MRC2: variants seen among roughly 807,000 people sequenced by gnomAD.
MRC2 encodes the protein C-type mannose receptor 2.
A neutral mutation model predicts 206.2 loss-of-function variants in MRC2; 84 were observed. The observed-to-expected ratio is 0.41, with a 90% CI of 0.34 to 0.49. The LOEUF is 0.49. MRC2 is among the 20% of genes least tolerant of loss of function. The pLI is 0.31. For missense variants in MRC2, 1,676 were observed against 2,001.5 expected, an observed-to-expected ratio of 0.84 and a Z score of 3.10; for synonymous variants, 798 against 800.0, an observed-to-expected ratio of 1.00 and a Z score of 0.04.
Position 62,692,262 on chromosome 17 carries a change from G to A in MRC2, c.4251G>A (p.Val1417=). 6.2e-7 allele frequency: 1 copy of A among 1,607,744 alleles called. No homozygotes were observed. Among genetic ancestry groups the A allele is most frequent in the South Asian group, 1.1e-5 (1 of 90,114 alleles). The change falls in exon 30 of 30, where the codon GTG becomes GTA. Residue 1417 remains valine (V), a synonymous_variant. Coordinates refer to ENST00000303375, the MANE Select transcript of MRC2 (RefSeq NM_006039.5). The surrounding 1 kb of genome is among the most constrained non-coding windows in gnomAD (Gnocchi z 4.2). The part of the protein sequence containing the change: ...ALPENPAALV[V]VLMAVLLLLA... ...CAGAGAACCCAGCGGCCCTGGTGGT[G>A]GTGCTGATGGCGGTGCTGCTGCTCC...
chr17:62,662,685 G>A (rs1185000947), intron 1 of MRC2, among the ~76,000 whole-genome samples: 1 of 152,038 alleles, frequency 6.6e-6, no homozygotes, highest in East Asian at 1.9e-4. Flanking sequence ...CAAGGTGGGC[G>A]GATCACCCGA....
At chr17:62,677,571 C>T in intron 12 of MRC2, 85 bp downstream of exon 12, 1 of 1,253,726 alleles carries the variant, frequency 8.0e-7, no homozygotes, top group East Asian at 2.5e-5. Context: ...GTGGGACCAG[C>T]CACAATCCAG....
intron 26 of MRC2, 22 bp downstream of exon 26, chr17:62,690,327 C>A: frequency 6.3e-7 from 1 of 1,590,048 alleles, no homozygotes; most frequent in Non-Finnish European, 8.6e-7. Flanking sequence ...GGCCAGAGCC[C>A]ACACATGGCG....
Position 62,666,496 on chromosome 17 carries a change from G to A in MRC2, c.736G>A (p.Asp246Asn). The change falls in exon 4 of 30, where the codon GAC (aspartate) becomes AAC (asparagine). Residue 246 changes from aspartate (D) to asparagine (N), a missense_variant. By Grantham distance (23) the Asp-to-Asn change is conservative (BLOSUM62 1). Coordinates refer to ENST00000303375, the MANE Select transcript of MRC2 (RefSeq NM_006039.5). The surrounding 1 kb of genome is among the most constrained non-coding windows in gnomAD (Gnocchi z 5.0). ...ETFWDKDQLT[D>N]SCYQFNFQST... is the part of the protein sequence containing the mutation. The stretch of plus-strand genomic sequence containing the variant: ...CTTCTGGGACAAGGACCAGCTGACT[G>A]ACAGCTGCTACCAGTTTAACTTCCA... The A allele has an allele frequency of 6.2e-7, 1 of 1,614,002 alleles. No individual in the cohort carries two copies. The highest frequency in any genetic ancestry group is 8.5e-7 in the Non-Finnish European group (1 of 1,180,012).
At position 62,692,682 on chromosome 17, in the gene MRC2, C is replaced by A; in HGVS notation, c.*231C>A. 3 of 522,342 alleles carry A rather than the reference C, an allele frequency of 5.7e-6. No homozygotes were observed. Among genetic ancestry groups the A allele is most frequent in the South Asian group, 2.4e-5 (1 of 41,978 alleles). The allele number at this position is 522,342 out of a possible 1,614,324, so 32.4% of individuals were successfully genotyped here. A position where few individuals can be genotyped will look rare whatever the true frequency, so the allele number is the denominator to read the frequency against. On this transcript the variant is annotated 3_prime_UTR_variant, in exon 30 of 30. Coordinates refer to ENST00000303375, the MANE Select transcript of MRC2 (RefSeq NM_006039.5). The surrounding 1 kb of genome is among the most constrained non-coding windows in gnomAD (Gnocchi z 4.2). ...CGTGGCGTTTCCCTTTCTGGGGGGG[C>A]CTGAGGTCTTGTCACCTGGTCCTGT...
chr17:62,657,236 C>T (rs1040326601), intron 1 of MRC2, among the ~76,000 whole-genome samples: 1 of 152,164 alleles, frequency 6.6e-6, no homozygotes, highest in African/African-American at 2.4e-5. Context: ...AGCCCAGCGC[C>T]CTGCCAGACC....
At chr17:62,646,030 T>A (rs960525733) in intron 1 of MRC2, among the ~76,000 whole-genome samples, 1 of 148,160 alleles carries the variant, frequency 6.7e-6, no homozygotes, top group African/African-American at 2.5e-5. Flanking sequence ...TCTATTTTTT[T>A]TTTTTTTTTT....
chr17:62,664,575 A>G lies in MRC2; in HGVS notation c.146A>G (p.His49Arg). 1 of 1,613,116 alleles carries G rather than the reference A, an allele frequency of 6.2e-7. No individual in the cohort carries two copies. Among genetic ancestry groups the G allele is most frequent in the Non-Finnish European group, 8.5e-7 (1 of 1,179,822 alleles). ...CCCAACGTCTTCCTCATCTTCAGCC[A>G]TGGACTGCAGGGCTGCCTGGAGGCC... ...PEPNVFLIFS[H>R]GLQGCLEAQG... is the part of the protein sequence containing the mutation. Residue 49 changes from histidine to arginine, a missense_variant, in exon 2 of 30, where the codon CAT becomes CGT. Around this residue, in one of 3 missense-constraint regions of MRC2, gnomAD observed 318 missense variants for 346.7 expected, o/e 0.92. Coordinates refer to ENST00000303375, the MANE Select transcript of MRC2 (RefSeq NM_006039.5). This position sits in a 1 kb window ranked among gnomAD's most constrained non-coding sequence, Gnocchi z 4.7.
chr17:62,679,950 G>T, intron 14 of MRC2, 48 bp downstream of exon 14: 2 of 1,550,088 alleles, frequency 1.3e-6, no homozygotes, highest in East Asian at 2.3e-5. Context: ...GAGCTTGGTG[G>T]GCGGGGCCTG....
intron 18 of MRC2, 144 bp from the exon 19 acceptor site, chr17:62,681,693 T>C: frequency 7.5e-6 from 5 of 663,980 alleles, no homozygotes; most frequent in South Asian, 7.2e-5. Context: ...CTGAGCTCAG[T>C]AGCTCCACCC....
intron 1 of MRC2, among the ~76,000 whole-genome samples, chr17:62,646,727 T>C (rs1308306955): frequency 6.6e-6 from 1 of 152,224 alleles, no homozygotes; most frequent in Non-Finnish European, 1.5e-5. Flanking sequence ...CCTCTCCAAA[T>C]GTGCTGGGTT....
chr17:62,630,891 A>G (rs1223543572), intron 1 of MRC2, among the ~76,000 whole-genome samples: 1 of 151,972 alleles, frequency 6.6e-6, no homozygotes, highest in Non-Finnish European at 1.5e-5. Flanking sequence ...CTGTTCCCCC[A>G]CGCAAAACTC....
rs1419419656 is a variant in MRC2 at position 62,681,174 on chromosome 17, C to A, written c.2702+45C>A. 2.5e-6 allele frequency: 4 copies of A among 1,598,272 alleles called. No homozygotes were observed. The East Asian group carries it at 6.8e-5, about 27-fold the overall frequency. Reference sequence around the variant, plus strand: ...GCAGATGTGGAAGGGGGCTGGCTGTCCACACACGGAGCACAGAGGCAGACT... The same window carrying A: ...GCAGATGTGGAAGGGGGCTGGCTGTACACACACGGAGCACAGAGGCAGACT... On this transcript the variant is annotated intron_variant, in intron 18 of 29. Transcript: ENST00000303375.
chr17:62,648,462 G>A (rs776603180), intron 1 of MRC2, among the ~76,000 whole-genome samples: 4 of 152,222 alleles, frequency 2.6e-5, no homozygotes, highest in Admixed American at 6.5e-5. Flanking sequence ...TTCCAGCTGC[G>A]TTGTGAGTGA....
At chr17:62,674,743 G>A (rs1023896583) in intron 9 of MRC2, among the ~76,000 whole-genome samples, 1 of 152,024 alleles carries the variant, frequency 6.6e-6, no homozygotes, top group African/African-American at 2.4e-5. Context: ...AAGTGAGTGG[G>A]GGGTGAGTGA....
At chr17:62,637,535 CAA>C (rs61648461) in intron 1 of MRC2, among the ~76,000 whole-genome samples, 72 of 136,610 alleles carry the variant, frequency 5.3e-4, no homozygotes, top group African/African-American at 1.4e-3. Context: ...GACTGTGTCT[CAA>C]AAAAAAAAAA....
intron 2 of MRC2, among the ~76,000 whole-genome samples, chr17:62,665,690 T>G (rs1485239659): frequency 2.6e-5 from 4 of 152,112 alleles, no homozygotes; most frequent in African/African-American, 9.7e-5. Context: ...AGCCCCGTCC[T>G]GGGGGGGCCT....
At chr17:62,665,067 T>C in intron 2 of MRC2, 118 bp downstream of exon 2, 9 of 1,116,914 alleles carry the variant, frequency 8.1e-6, no homozygotes, top group Non-Finnish European at 1.1e-5. Context: ...GGCAGTCACA[T>C]GTTTAATTAT....
intron 1 of MRC2, among the ~76,000 whole-genome samples, chr17:62,639,917 G>A (rs1198967440): frequency 1.3e-5 from 2 of 151,274 alleles, no homozygotes; most frequent in Admixed American, 6.6e-5. Flanking sequence ...GCAATGGCTC[G>A]ATCTTGGCTC....
Sources: allele counts gnomAD v4.1 joint callset (sites outside exome capture counted in the v4.1 genomes callset), GRCh38; gene constraint gnomAD v4.1.1; regional missense constraint gnomAD v4.1.1; non-coding constraint Gnocchi (gnomAD v3.1); transcripts MANE v1.5; gene names NCBI Gene and HGNC (gene_info 2026-07-23, HGNC 2026-07-21).